The following GTF2H5 variants were observed in gnomAD, a reference collection of about 807,000 sequenced individuals.
GTF2H5 encodes TFB5 ortholog.
GTF2H5 carries 5 observed loss-of-function variants against 7.1 expected under a neutral mutation model. The observed-to-expected ratio is 0.71, with a 90% CI of 0.37 to 1.49. The LOEUF is 1.49. Among genes scored for constraint, GTF2H5 ranks in the 40% most tolerant of loss-of-function variants. The pLI, the probability that GTF2H5 is intolerant of heterozygous loss-of-function variation, is 0.03. For missense variants in GTF2H5, 80 were observed against 83.0 expected (o/e 0.96, Z 0.14); for synonymous variants, 30 against 31.7 (o/e 0.95, Z 0.18).
chr6:158,174,559 C>G (rs923454243), intron 2 of GTF2H5, among the ~76,000 whole-genome samples: 10 of 152,142 alleles, frequency 6.6e-5, no homozygotes, highest in African/African-American at 2.2e-4. Context: ...GTGAAAATTT[C>G]CTCTTTGTTG....
chr6:158,169,197 G>T (rs1042205821), intron 1 of GTF2H5, among the ~76,000 whole-genome samples: 1 of 146,136 alleles, frequency 6.8e-6, no homozygotes, highest in African/African-American at 2.5e-5. Flanking sequence ...TCACGACACT[G>T]CGCTCCAGCC....
chr6:158,183,659 C>G (rs555101760), intron 2 of GTF2H5, among the ~76,000 whole-genome samples: 1 of 152,210 alleles, frequency 6.6e-6, no homozygotes, highest in Non-Finnish European at 1.5e-5. Flanking sequence ...CAATCTCAGA[C>G]GCTGCGCTAG....
chr6:158,174,332 C>G (rs1785900452), intron 2 of GTF2H5, among the ~76,000 whole-genome samples: 1 of 152,154 alleles, frequency 6.6e-6, no homozygotes, highest in South Asian at 2.1e-4. Context: ...CCATTTCTAT[C>G]AGTTAAGTTT....
Position 158,193,491 on chromosome 6 carries a change from T to G in GTF2H5, c.*1334T>G, listed in dbSNP as rs1583640474. On this transcript the variant is annotated 3_prime_UTR_variant, in exon 3 of 3. Transcript: ENST00000607778. ...TTACAAATCCATTTTACCTGCTTCC[T>G]TATGGTATGTTTATTCAAAGCACCT... is the stretch of plus-strand genomic sequence containing the variant. 1.3e-5 allele frequency: 2 copies of G among 152,328 alleles called. No homozygotes were observed. The highest frequency in any genetic ancestry group is 3.9e-4 in the East Asian group (2 of 5,190). The allele number at this position is 152,328 out of a possible 1,614,324, so 9.4% of individuals were successfully genotyped here.
At chr6:158,178,537 G>A (rs1263453281) in intron 2 of GTF2H5, among the ~76,000 whole-genome samples, 4 of 150,500 alleles carry the variant, frequency 2.7e-5, no homozygotes, top group South Asian at 2.1e-4. Flanking sequence ...TTTAATGATC[G>A]CAATTCTAAC....
chr6:158,176,352 A>T (rs919614183), intron 2 of GTF2H5, among the ~76,000 whole-genome samples: 1 of 151,724 alleles, frequency 6.6e-6, no homozygotes, highest in Non-Finnish European at 1.5e-5. Flanking sequence ...TCAGCCTCCC[A>T]AGTAGTTGGG....
rs1388853580 is a variant in GTF2H5, at chr6:158,196,090, G to C, written c.*3933G>C. 3 of 152,072 alleles carry C rather than the reference G, an allele frequency of 2.0e-5. No individual in the cohort carries two copies. Among genetic ancestry groups the C allele is most frequent in the Non-Finnish European group, 4.4e-5 (3 of 68,044 alleles). The allele number at this position is 152,072 out of a possible 1,614,324, so 9.4% of individuals were successfully genotyped here. On this transcript the variant is annotated 3_prime_UTR_variant, in exon 3 of 3. Transcript: ENST00000607778. The stretch of plus-strand genomic sequence containing the variant: ...AGGTCAGGAGATCAAAACAATCCTG[G>C]CTAACAAGGTGAAACCCCGTCTCTA...
At chr6:158,171,124 G>A (rs1785850037) in intron 2 of GTF2H5, among the ~76,000 whole-genome samples, 1 of 152,190 alleles carries the variant, frequency 6.6e-6, no homozygotes, top group South Asian at 2.1e-4. Context: ...AGGCTAAGGA[G>A]GAGCAAGACC....
intron 2 of GTF2H5, among the ~76,000 whole-genome samples, chr6:158,186,441 C>A (rs4560672): frequency 0.22 from 33,940 of 152,212 alleles, 6,016 homozygotes; most frequent in African/African-American, 0.49. Context: ...ACAAGTTAAT[C>A]TATCACATGC....
At chr6:158,175,044 G>GTGTGTATATGTGTGTGTGTGTGTGTA in intron 2 of GTF2H5, among the ~76,000 whole-genome samples, 63 of 142,840 alleles carry the variant, frequency 4.4e-4, no homozygotes, top group Middle Eastern at 7.1e-3. Context: ...GTGTGTGTGT[G>GTGTGTATATGTGTGTGTGTGTGTGTA]TATACACACA....
At chr6:158,188,855 A>C (rs1381434622) in intron 2 of GTF2H5, among the ~76,000 whole-genome samples, 1 of 151,706 alleles carries the variant, frequency 6.6e-6, no homozygotes, top group East Asian at 1.9e-4. Flanking sequence ...CCTTTTTTTC[A>C]GTCACCCAAT....
chr6:158,186,723 G>T (rs1776928509), intron 2 of GTF2H5, among the ~76,000 whole-genome samples: 1 of 152,206 alleles, frequency 6.6e-6, no homozygotes, highest in Non-Finnish European at 1.5e-5. Flanking sequence ...ATCAATACAT[G>T]TAAGATGTAC....
Position 158,195,732 on chromosome 6 carries a change from A to G in GTF2H5, c.*3575A>G, listed in dbSNP as rs1211318328. 1.3e-5 allele frequency: 2 copies of G among 152,212 alleles called. No homozygotes were observed. Among genetic ancestry groups the G allele is most frequent in the Non-Finnish European group, 2.9e-5 (2 of 68,036 alleles). The allele number at this position is 152,212 out of a possible 1,614,324, so 9.4% of individuals were successfully genotyped here. ...AAATCTTACTTAGCTGACAACTAGG[A>G]GTAAAAGCTCTGACAAAAAGCCTCT... is the stretch of plus-strand genomic sequence containing the variant. On this transcript the variant is annotated 3_prime_UTR_variant, in exon 3 of 3. Transcript: ENST00000607778.
intron 2 of GTF2H5, among the ~76,000 whole-genome samples, chr6:158,172,553 C>A (rs1245807497): frequency 6.6e-6 from 1 of 152,112 alleles, no homozygotes; most frequent in Non-Finnish European, 1.5e-5. Context: ...CTGCCCCGGC[C>A]TCCCAAAGTG....
intron 2 of GTF2H5, among the ~76,000 whole-genome samples, chr6:158,185,289 C>G (rs941634378): frequency 1.3e-5 from 2 of 152,044 alleles, no homozygotes; most frequent in African/African-American, 4.8e-5. Flanking sequence ...CGCCTGTAAT[C>G]CCAACACTGG....
chr6:158,180,289 G>T (rs899439743), intron 2 of GTF2H5, among the ~76,000 whole-genome samples: 17 of 152,184 alleles, frequency 1.1e-4, no homozygotes, highest in African/African-American at 3.4e-4. Flanking sequence ...TTTTATTGAA[G>T]ATTTTTGCAT....
rs1777076325 is a variant in GTF2H5, at chr6:158,194,461, GAAAC to G, written c.*2310_*2313del. On this transcript the variant is annotated 3_prime_UTR_variant, in exon 3 of 3. Coordinates refer to ENST00000607778, the MANE Select transcript of GTF2H5 (RefSeq NM_207118.3). ...AATTAAAAAGACAAATGGTTACAGAGAAACAAACAGTTCCAGGTGCAGGGGCTCT... is the reference window on the plus strand; with the variant it reads ...AATTAAAAAGACAAATGGTTACAGAGAAACAGTTCCAGGTGCAGGGGCTCT... 1 of 152,238 alleles carries G rather than the reference GAAAC, an allele frequency of 6.6e-6. No homozygotes were observed. Among genetic ancestry groups the G allele is most frequent in the Non-Finnish European group, 1.5e-5 (1 of 68,054 alleles). The allele number at this position is 152,238 out of a possible 1,614,324, so 9.4% of individuals were successfully genotyped here.
chr6:158,170,199 G>T (rs1785835234), intron 1 of GTF2H5, among the ~76,000 whole-genome samples: 1 of 152,102 alleles, frequency 6.6e-6, no homozygotes, highest in East Asian at 1.9e-4. Flanking sequence ...TGGGCACACT[G>T]GTGTAGAGTT....
chr6:158,190,387 C>G (rs1193125646), intron 2 of GTF2H5, among the ~76,000 whole-genome samples: 1 of 152,078 alleles, frequency 6.6e-6, no homozygotes, highest in Non-Finnish European at 1.5e-5. Context: ...AGAATTCAAC[C>G]ACTTCTCATC....
Sources: allele counts gnomAD v4.1 joint callset (sites outside exome capture counted in the v4.1 genomes callset), GRCh38; gene constraint gnomAD v4.1.1; transcripts MANE v1.5; gene names NCBI Gene and HGNC (gene_info 2026-07-23, HGNC 2026-07-21).